Variants in PDE7A observed in about 807,000 individuals in gnomAD.
PDE7A encodes the protein phosphodiesterase 7A.
PDE7A carries 39 observed loss-of-function variants against 64.3 expected under a neutral mutation model. That is an observed-to-expected ratio of 0.61 (90% CI 0.47 to 0.79). The LOEUF (loss-of-function observed/expected upper bound fraction) is 0.79, where lower values mean the gene tolerates loss of function less well. Among genes scored for constraint, PDE7A ranks in the 30% least tolerant of loss-of-function variants. The probability of loss-of-function intolerance (pLI) is 0.00; values close to 1 mark genes in which losing one functional copy is unlikely to be tolerated. For missense variants in PDE7A, 470 were observed against 582.8 expected, an observed-to-expected ratio of 0.81 and a Z score of 1.99; for synonymous variants, 203 against 206.8, an observed-to-expected ratio of 0.98 and a Z score of 0.16.
chr8:65,826,962 T>C (rs2128933557), intron 1 of PDE7A, among the ~76,000 whole-genome samples: 1 of 152,290 alleles, frequency 6.6e-6, no homozygotes, highest in South Asian at 2.1e-4. Flanking sequence ...TTTTCTTCCT[T>C]GAGTGTGTCT....
At chr8:65,759,904 A>C (rs963377721) in intron 3 of PDE7A, among the ~76,000 whole-genome samples, 8 of 152,136 alleles carry the variant, frequency 5.3e-5, no homozygotes, top group South Asian at 2.1e-4. Flanking sequence ...TATACGTATA[A>C]TTTTTCTTTC....
chr8:65,737,074 T>A (rs1007973606), intron 6 of PDE7A, among the ~76,000 whole-genome samples: 5 of 151,872 alleles, frequency 3.3e-5, no homozygotes, highest in African/African-American at 1.2e-4. Flanking sequence ...TGCCACTGCA[T>A]TCCAGCCTTA....
intron 3 of PDE7A, among the ~76,000 whole-genome samples, chr8:65,770,027 C>A (rs1283452318): frequency 2.0e-5 from 3 of 152,000 alleles, no homozygotes; most frequent in Non-Finnish European, 4.4e-5. Context: ...AATTTCAAAA[C>A]ACATACAAAA....
At chr8:65,734,050 T>C (rs948047891) in intron 7 of PDE7A, among the ~76,000 whole-genome samples, 1 of 152,180 alleles carries the variant, frequency 6.6e-6, no homozygotes, top group African/African-American at 2.4e-5. Context: ...TCTTCTATAC[T>C]TCAGACTCTT....
chr8:65,824,614 C>A (rs1405455269), intron 1 of PDE7A, among the ~76,000 whole-genome samples: 1 of 152,192 alleles, frequency 6.6e-6, no homozygotes, highest in African/African-American at 2.4e-5. Context: ...CCTTCAGCAA[C>A]CCCCACCCTG....
At chr8:65,815,231 G>A (rs1451041673) in intron 1 of PDE7A, among the ~76,000 whole-genome samples, 1 of 152,124 alleles carries the variant, frequency 6.6e-6, no homozygotes, top group Non-Finnish European at 1.5e-5. Context: ...TATGATCCCA[G>A]CTTTCGAGAG....
At chr8:65,773,569 C>T (rs768955344) in intron 3 of PDE7A, among the ~76,000 whole-genome samples, 3 of 152,100 alleles carry the variant, frequency 2.0e-5, no homozygotes, top group Non-Finnish European at 2.9e-5. Context: ...TAATTTGAAC[C>T]ATTTTTTTGT....
At chr8:65,808,111 T>C (rs960503345) in intron 1 of PDE7A, among the ~76,000 whole-genome samples, 2 of 152,188 alleles carry the variant, frequency 1.3e-5, no homozygotes, top group Non-Finnish European at 2.9e-5. Context: ...GGTAACAGGA[T>C]GTACACTATT....
chr8:65,776,893 G>T (rs1024846207), intron 3 of PDE7A, among the ~76,000 whole-genome samples: 2 of 151,938 alleles, frequency 1.3e-5, no homozygotes, highest in African/African-American at 4.8e-5. Flanking sequence ...AAACAATACT[G>T]AATAGGAAAG....
At chr8:65,768,891 C>G (rs1808932710) in intron 3 of PDE7A, among the ~76,000 whole-genome samples, 1 of 152,044 alleles carries the variant, frequency 6.6e-6, no homozygotes, top group South Asian at 2.1e-4. Flanking sequence ...CATCAGAAAA[C>G]TTCTTTAGTG....
chr8:65,751,936 C>A (rs970772804), intron 3 of PDE7A, among the ~76,000 whole-genome samples: 2 of 152,114 alleles, frequency 1.3e-5, no homozygotes, highest in African/African-American at 4.8e-5. Flanking sequence ...GCATAGACAC[C>A]TTCCCTGTTC....
intron 3 of PDE7A, among the ~76,000 whole-genome samples, chr8:65,764,171 G>A (rs1483697493): frequency 6.6e-6 from 1 of 152,162 alleles, no homozygotes. Flanking sequence ...GAGCATGGGT[G>A]ATAGAAAAGA....
chr8:65,725,903 A>G (rs535061586), intron 9 of PDE7A, among the ~76,000 whole-genome samples: 1 of 152,266 alleles, frequency 6.6e-6, no homozygotes, highest in Non-Finnish European at 1.5e-5. Flanking sequence ...TGTTTAAGCA[A>G]TTTTCGTATT....
In PDE7A at chr8:65,724,941, A is replaced by C; in HGVS notation, c.921-20T>G. On this transcript the variant is annotated intron_variant, in intron 9 of 12. Transcript: ENST00000401827. ...TGTTGCCTGGAAATAGAGAAATATA[A>C]AGAGAAAATATAAGACTTTCAATTA... The C allele has an allele frequency of 6.5e-7, 1 of 1,540,648 alleles. No homozygotes were observed. The highest frequency in any genetic ancestry group is 8.8e-7 in the Non-Finnish European group (1 of 1,130,122).
intron 5 of PDE7A, among the ~76,000 whole-genome samples, chr8:65,741,433 C>T (rs1807431382): frequency 6.6e-6 from 1 of 152,144 alleles, no homozygotes; most frequent in African/African-American, 2.4e-5. Flanking sequence ...AACTGCCTAA[C>T]CAACTGCCAA....
intron 1 of PDE7A, among the ~76,000 whole-genome samples, chr8:65,805,704 T>G (rs117088435): frequency 4.6e-5 from 7 of 152,154 alleles, no homozygotes; most frequent in African/African-American, 1.7e-4. Context: ...AATGGTACTG[T>G]GGATTCACCC....
chr8:65,805,613 T>C (rs1375961183), intron 1 of PDE7A, among the ~76,000 whole-genome samples: 1 of 152,340 alleles, frequency 6.6e-6, no homozygotes, highest in Middle Eastern at 3.4e-3. Context: ...CTTCATGTTA[T>C]CGTTTTTCAG....
At chr8:65,746,392 T>G (rs1196110413) in intron 4 of PDE7A, among the ~76,000 whole-genome samples, 1 of 152,208 alleles carries the variant, frequency 6.6e-6, no homozygotes, top group Non-Finnish European at 1.5e-5. Context: ...TTAAATTATT[T>G]GTTATTCAGT....
chr8:65,793,622 T>C (rs76847134), intron 1 of PDE7A, among the ~76,000 whole-genome samples: 8,676 of 152,204 alleles, frequency 0.057, 356 homozygotes, highest in Middle Eastern at 0.11. Flanking sequence ...CACATAAGAA[T>C]GAATTCAGTT....
Sources: allele counts gnomAD v4.1 joint callset (sites outside exome capture counted in the v4.1 genomes callset), GRCh38; gene constraint gnomAD v4.1.1; transcripts MANE v1.5; gene names NCBI Gene and HGNC (gene_info 2026-07-23, HGNC 2026-07-21).